The following CERS6 variants were observed in gnomAD, a reference collection of about 807,000 sequenced individuals.
CERS6 encodes the protein LAG1 homolog, ceramide synthase 6.
A neutral mutation model predicts 56.8 loss-of-function variants in CERS6; 26 were observed. That is an observed-to-expected ratio of 0.46 (90% CI 0.34 to 0.63). The LOEUF is 0.63. Ranked by LOEUF, CERS6 falls within the 30% of genes least tolerant of loss-of-function variation. CERS6 has a pLI of 0.01. For synonymous variants in CERS6, 164 were observed against 173.3 expected (o/e 0.95, Z 0.42); for missense variants, 415 against 467.5 (o/e 0.89, Z 1.04).
chr2:168,551,441 T>C (rs916433532), intron 2 of CERS6, among the ~76,000 whole-genome samples: 1 of 152,210 alleles, frequency 6.6e-6, no homozygotes, highest in South Asian at 2.1e-4. Flanking sequence ...CGTCCCGTCA[T>C]TGTGGCCTTG....
At position 168,573,840 on chromosome 2, in the gene CERS6, C is replaced by G. The variant is rs1683181156; in HGVS notation, c.407+12518C>G. On this transcript the variant is annotated intron_variant, in intron 3 of 9. Coordinates refer to ENST00000305747, the MANE Select transcript of CERS6 (RefSeq NM_203463.3). The stretch of plus-strand genomic sequence containing the variant: ...CTTGTATCAGGTCCCACTAAGTGAT[C>G]TGAAGCCTGGGATATGGTTTGCAGA... Among the ~76,000 whole-genome samples, 3 of 152,054 alleles carry G rather than the reference C, an allele frequency of 2.0e-5. No homozygotes were observed. In the South Asian group the frequency reaches 6.2e-4, roughly 32 times the overall value.
intron 8 of CERS6, among the ~76,000 whole-genome samples, chr2:168,741,820 A>T (rs549513362): frequency 6.6e-6 from 1 of 152,372 alleles, no homozygotes; most frequent in South Asian, 2.1e-4. Context: ...GAGCAGTAAC[A>T]GTAGCATTCT....
chr2:168,459,449 G>A (rs2105315151), intron 1 of CERS6, among the ~76,000 whole-genome samples: 2 of 152,370 alleles, frequency 1.3e-5, no homozygotes, highest in Middle Eastern at 6.8e-3. Context: ...CATATGGACA[G>A]CAATATGGAA....
chr2:168,550,000 G>C (rs1048132881), intron 2 of CERS6, among the ~76,000 whole-genome samples: 1 of 152,022 alleles, frequency 6.6e-6, no homozygotes, highest in African/African-American at 2.4e-5. Context: ...GTGTGAGAGA[G>C]GTACCCTTAA....
intron 8 of CERS6, among the ~76,000 whole-genome samples, chr2:168,747,614 T>C (rs1684144210): frequency 6.6e-6 from 1 of 152,212 alleles, no homozygotes. Context: ...TGACAAACTA[T>C]GTATTTGAGT....
Position 168,768,390 on chromosome 2 carries a change from C to T in CERS6, c.1003-1120C>T, listed in dbSNP as rs368132253. Among the ~76,000 whole-genome samples, 580 of 150,772 alleles carry T rather than the reference C, an allele frequency of 3.8e-3. 1 individual carries two copies. Among genetic ancestry groups the T allele is most frequent in the Non-Finnish European group, 6.9e-3 (466 of 67,634 alleles). On this transcript the variant is annotated intron_variant, in intron 9 of 9. Transcript: ENST00000305747. ...GATTACAGACATGCGCCACCACACC[C>T]GGCTAATTTTTTTTTTTTTTTAAGT...
In CERS6 at chr2:168,496,265, T is replaced by A. The variant is rs1374887744; in HGVS notation, c.170+39647T>A. The stretch of plus-strand genomic sequence containing the variant: ...GTGAATAATCTTGTATATATATCAT[T>A]TGATACCTGTACAATGACACTAGTA... On this transcript the variant is annotated intron_variant, in intron 1 of 9. Transcript: ENST00000305747. 2.6e-5 allele frequency among the ~76,000 whole-genome samples: 4 copies of A among 152,324 alleles called. No individual in the cohort carries two copies. The East Asian group carries it at 5.8e-4, about 22-fold the overall frequency.
chr2:168,542,674 C>A (rs1005009349), intron 1 of CERS6, among the ~76,000 whole-genome samples: 3 of 151,914 alleles, frequency 2.0e-5, no homozygotes, highest in African/African-American at 7.3e-5. Context: ...GTACAAGGTT[C>A]ATTTCATGGT....
At chr2:168,672,012 A>C (rs1018644154) in intron 4 of CERS6, among the ~76,000 whole-genome samples, 1 of 152,216 alleles carries the variant, frequency 6.6e-6, no homozygotes, top group Non-Finnish European at 1.5e-5. Context: ...AGTTTTCTAG[A>C]TAATACTTCT....
At chr2:168,517,379 C>A (rs1385889988) in intron 1 of CERS6, among the ~76,000 whole-genome samples, 1 of 151,818 alleles carries the variant, frequency 6.6e-6, no homozygotes, top group East Asian at 1.9e-4. Context: ...GTAATCCCAG[C>A]TATTTGGGAG....
chr2:168,701,732 T>G (rs1470982734), intron 6 of CERS6, among the ~76,000 whole-genome samples: 1 of 152,062 alleles, frequency 6.6e-6, no homozygotes, highest in Non-Finnish European at 1.5e-5. Context: ...TTTGGCCAGT[T>G]GCGGTACTCC....
At chr2:168,674,399 C>T (rs190354986) in intron 4 of CERS6, among the ~76,000 whole-genome samples, 2 of 152,260 alleles carry the variant, frequency 1.3e-5, no homozygotes, top group Non-Finnish European at 2.9e-5. Flanking sequence ...CTAACCTTAA[C>T]AAAAAGAGTC....
chr2:168,611,042 C>G (rs1304178603), intron 3 of CERS6, among the ~76,000 whole-genome samples: 1 of 152,140 alleles, frequency 6.6e-6, no homozygotes, highest in Non-Finnish European at 1.5e-5. Flanking sequence ...CTCCTGACCT[C>G]AGGTGATATG....
At chr2:168,587,903 C>T (rs1056396239) in intron 3 of CERS6, among the ~76,000 whole-genome samples, 2 of 151,970 alleles carry the variant, frequency 1.3e-5, no homozygotes, top group East Asian at 3.9e-4. Context: ...CTGCTCTGGG[C>T]AAGTACTGCT....
intron 8 of CERS6, among the ~76,000 whole-genome samples, chr2:168,756,287 T>C (rs1684414625): frequency 6.6e-6 from 1 of 152,180 alleles, no homozygotes; most frequent in African/African-American, 2.4e-5. Context: ...TTTCTTAAAG[T>C]AGGGGATATT....
intron 3 of CERS6, among the ~76,000 whole-genome samples, chr2:168,572,770 G>C (rs1696014361): frequency 6.6e-6 from 1 of 152,078 alleles, no homozygotes; most frequent in South Asian, 2.1e-4. Flanking sequence ...CGTGTTCGCT[G>C]TTTGCATCCA....
At chr2:168,748,356 A>G (rs1346815138) in intron 8 of CERS6, among the ~76,000 whole-genome samples, 3 of 152,224 alleles carry the variant, frequency 2.0e-5, no homozygotes. Flanking sequence ...GAAACACAAG[A>G]GAGTGCCTTG....
intron 8 of CERS6, among the ~76,000 whole-genome samples, chr2:168,734,021 A>T (rs2105416792): frequency 6.6e-6 from 1 of 152,336 alleles, no homozygotes; most frequent in South Asian, 2.1e-4. Flanking sequence ...CTTCATCCAT[A>T]AAATGGGAGA....
At chr2:168,589,606 T>A (rs1683626529) in intron 3 of CERS6, among the ~76,000 whole-genome samples, 1 of 152,228 alleles carries the variant, frequency 6.6e-6, no homozygotes, top group Non-Finnish European at 1.5e-5. Context: ...TCCTTCCAAA[T>A]GTTGGGTGTA....
Sources: gnomAD v4.1 joint callset for allele counts (sites outside exome capture counted in the v4.1 genomes callset) on GRCh38, gnomAD v4.1.1 for gene constraint, MANE v1.5 for transcripts, NCBI Gene and HGNC (gene_info 2026-07-23, HGNC 2026-07-21) for gene names.